CORIN: variants seen among roughly 807,000 people sequenced by gnomAD.
CORIN encodes the protein atrial natriuretic peptide-converting enzyme.
CORIN carries 117 observed loss-of-function variants against 125.3 expected under a neutral mutation model. That is an observed-to-expected ratio of 0.93 (90% CI 0.80 to 1.09). CORIN has a LOEUF of 1.09. CORIN is among the 50% of genes least tolerant of loss of function. CORIN has a pLI of 0.00. For missense variants in CORIN, 1,253 were observed against 1,306.7 expected (o/e 0.96, Z 0.63); for synonymous variants, 450 against 466.4 (o/e 0.96, Z 0.45).
chr4:47,657,826 A>G (rs1724066059), intron 12 of CORIN, among the ~76,000 whole-genome samples: 1 of 152,078 alleles, frequency 6.6e-6, no homozygotes, highest in Non-Finnish European at 1.5e-5. Flanking sequence ...CTGCCCCCAT[A>G]ATCCAAACAC....
intron 6 of CORIN, among the ~76,000 whole-genome samples, chr4:47,686,023 A>G (rs1725497655): frequency 1.3e-5 from 2 of 148,618 alleles, no homozygotes; most frequent in African/African-American, 5.0e-5. Flanking sequence ...TCATACAAGT[A>G]GCAGCCACCA....
chr4:47,729,700 G>T (rs989185573), intron 5 of CORIN, among the ~76,000 whole-genome samples: 2 of 152,080 alleles, frequency 1.3e-5, no homozygotes, highest in African/African-American at 4.8e-5. Context: ...TCTAAGTGAG[G>T]ACAGGCATTT....
At chr4:47,628,277 C>T (rs1039735253) in intron 16 of CORIN, among the ~76,000 whole-genome samples, 2 of 152,160 alleles carry the variant, frequency 1.3e-5, no homozygotes, top group Admixed American at 1.3e-4. Flanking sequence ...ATCTCCATAA[C>T]TTCAATTTCC....
rs748551062 is a variant in CORIN, at chr4:47,744,561, A to G, written c.640T>C (p.Ser214Pro). ...DDSHGLLPCR[S>P]FCEAAKEGCE... ...CCTTCTTTTGCAGCCTCACAGAAGG[A>G]CCTACAGGGCAGGAGTCCATGACTA... Residue 214 changes from serine (S) to proline (P), a missense_variant, in exon 5 of 22, where the codon TCC (serine) becomes CCC (proline). By Grantham distance (74) the Ser-to-Pro change is moderately conservative. Transcript: ENST00000273857. The G allele has an allele frequency of 6.2e-7, 1 of 1,610,990 alleles. No homozygotes were observed. The highest frequency in any genetic ancestry group is 8.5e-7 in the Non-Finnish European group (1 of 1,178,808).
chr4:47,689,472 A>T (rs1030659744), intron 6 of CORIN, among the ~76,000 whole-genome samples: 2 of 152,212 alleles, frequency 1.3e-5, no homozygotes, highest in Non-Finnish European at 2.9e-5. Context: ...CGGTGTAATT[A>T]GATAGCCACC....
In CORIN at chr4:47,786,628, C is replaced by A. The variant is rs77493589; in HGVS notation, c.409+97G>T. The A allele has an allele frequency of 7.9e-4, 687 of 870,642 alleles. 6 individuals carry two copies. In the East Asian group the frequency reaches 0.013, roughly 16 times the overall value. 53.9% of individuals were successfully genotyped at this position (870,642 alleles called of 1,614,324 possible). On this transcript the variant is annotated intron_variant, in intron 3 of 21. Coordinates refer to ENST00000273857, the MANE Select transcript of CORIN (RefSeq NM_006587.4). ...CTGAGTGGAGATTTTCCTGTGTGAC[C>A]GGCAAGTGATTGTGAACTAAAAGCA...
intron 5 of CORIN, chr4:47,706,861 G>A: frequency 6.3e-7 from 1 of 1,598,724 alleles, no homozygotes; most frequent in Non-Finnish European, 8.5e-7. Flanking sequence ...AGATGCGTGG[G>A]CTGACATCTG....
At chr4:47,596,785 A>G (rs552562620) in intron 21 of CORIN, among the ~76,000 whole-genome samples, 1 of 152,324 alleles carries the variant, frequency 6.6e-6, no homozygotes, top group Non-Finnish European at 1.5e-5. Context: ...TGGTCTTCCT[A>G]CTTGGTATTG....
At chr4:47,802,492 G>A (rs903079319) in intron 2 of CORIN, among the ~76,000 whole-genome samples, 1 of 152,200 alleles carries the variant, frequency 6.6e-6, no homozygotes, top group Non-Finnish European at 1.5e-5. Flanking sequence ...CCATGGGTTG[G>A]TGGTTGTGGT....
At position 47,626,386 on chromosome 4, in the gene CORIN, C is replaced by T. The variant is rs1201802233; in HGVS notation, c.2315+19G>A. On this transcript the variant is annotated intron_variant, in intron 17 of 21. Coordinates refer to ENST00000273857, the MANE Select transcript of CORIN (RefSeq NM_006587.4). ...CTCTGTAATCTGACTCTACACAGCT[C>T]TTATGAATGCATTCTTACCCATTTA... 8 of 1,374,644 alleles carry T rather than the reference C, an allele frequency of 5.8e-6. No individual in the cohort carries two copies. Among genetic ancestry groups the T allele is most frequent in the Non-Finnish European group, 8.3e-6 (8 of 961,650 alleles). The allele number at this position is 1,374,644 out of a possible 1,614,324, so 85.2% of individuals were successfully genotyped here.
At chr4:47,642,901 C>A in intron 15 of CORIN, 1 of 1,495,412 alleles carries the variant, frequency 6.7e-7, no homozygotes, top group Non-Finnish European at 8.8e-7. Context: ...TATATGATTA[C>A]AACATTTTGA....
chr4:47,677,615 C>T (rs1725083577), intron 9 of CORIN, among the ~76,000 whole-genome samples: 1 of 152,280 alleles, frequency 6.6e-6, no homozygotes, highest in South Asian at 2.1e-4. Flanking sequence ...TTTCTTCTCA[C>T]TGGAATCTAA....
At chr4:47,619,267 C>T (rs765089286) in intron 19 of CORIN, among the ~76,000 whole-genome samples, 1 of 152,050 alleles carries the variant, frequency 6.6e-6, no homozygotes, top group Non-Finnish European at 1.5e-5. Context: ...CATAGCAGAG[C>T]AAAACAAACT....
At chr4:47,760,797 G>C (rs1411217708) in intron 4 of CORIN, among the ~76,000 whole-genome samples, 1 of 152,208 alleles carries the variant, frequency 6.6e-6, no homozygotes, top group African/African-American at 2.4e-5. Flanking sequence ...CTGCTGTTTA[G>C]TGTAGCCATC....
chr4:47,684,457 A>T (rs1337772513), intron 6 of CORIN, among the ~76,000 whole-genome samples: 1 of 152,214 alleles, frequency 6.6e-6, no homozygotes, highest in Non-Finnish European at 1.5e-5. Context: ...TCCTGATTTT[A>T]ATAGGAAAAT....
At chr4:47,798,089 C>A (rs1276634517) in intron 2 of CORIN, among the ~76,000 whole-genome samples, 1 of 152,144 alleles carries the variant, frequency 6.6e-6, no homozygotes, top group Non-Finnish European at 1.5e-5. Flanking sequence ...AGACTATCTG[C>A]CGAGTTGAGA....
intron 2 of CORIN, among the ~76,000 whole-genome samples, chr4:47,791,914 A>T (rs1731100442): frequency 6.6e-6 from 1 of 152,186 alleles, no homozygotes; most frequent in African/African-American, 2.4e-5. Flanking sequence ...TAGTTGAGGG[A>T]GACGGGCAGG....
rs540619947 is a variant in CORIN, at chr4:47,595,772, G to A, written c.3078C>T (p.Phe1026=). The A allele has an allele frequency of 4.3e-5, 69 of 1,612,818 alleles. 1 individual carries two copies. The highest frequency in any genetic ancestry group is 3.2e-4 in the South Asian group (29 of 90,904). Residue 1026 remains phenylalanine (F), a synonymous_variant, in exon 22 of 22, where the codon TTC becomes TTT. Transcript: ENST00000273857. The part of the protein sequence containing the change: ...GPGVYSNVSY[F]VEWIKRQIYI... ...AAATCTGTCTTTTAATCCATTCGAC[G>A]AAATATGACACATTACTATAAACGC...
intron 1 of CORIN, among the ~76,000 whole-genome samples, chr4:47,816,582 T>C (rs1266459055): frequency 3.9e-5 from 6 of 152,188 alleles, no homozygotes; most frequent in African/African-American, 1.4e-4. Context: ...TGCAGACATG[T>C]AAAAAGTACA....
Sources: gnomAD v4.1 joint callset for allele counts (sites outside exome capture counted in the v4.1 genomes callset) on GRCh38, gnomAD v4.1.1 for gene constraint, MANE v1.5 for transcripts, NCBI Gene and HGNC (gene_info 2026-07-23, HGNC 2026-07-21) for gene names.